Variants in ACTR3C observed in about 807,000 individuals in gnomAD.
ACTR3C encodes actin related protein 3C, also known as actin-related protein 3C.
In ACTR3C, 18 loss-of-function variants were observed where a neutral mutation model predicts 26.3. That is an observed-to-expected ratio of 0.68 (90% CI 0.47 to 1.01). The LOEUF (loss-of-function observed/expected upper bound fraction) is 1.01, where lower values mean the gene tolerates loss of function less well. ACTR3C is among the 50% of genes least tolerant of loss of function. The pLI is 0.00. For synonymous variants in ACTR3C, 55 were observed against 94.5 expected (o/e 0.58, Z 2.42); for missense variants, 184 against 250.7 (o/e 0.73, Z 1.80).
At chr7:150,112,863 C>A in the ACTR3C span, among the ~76,000 whole-genome samples, 1 of 152,156 alleles carries the variant, frequency 6.6e-6, no homozygotes, top group East Asian at 1.9e-4. Context: ...CTCTGTTTCC[C>A]CTCCTCCAAG....
At chr7:150,031,453 C>G in the ACTR3C span, among the ~76,000 whole-genome samples, 2 of 152,090 alleles carry the variant, frequency 1.3e-5, no homozygotes, top group African/African-American at 4.8e-5. Context: ...AAACAACTCA[C>G]CTCCTGAAGC....
At chr7:150,034,666 T>C in the ACTR3C span, among the ~76,000 whole-genome samples, 49 of 149,894 alleles carry the variant, frequency 3.3e-4, 1 homozygote, top group Non-Finnish European at 3.7e-4. Flanking sequence ...AAATCCCACG[T>C]AAGGTACCTG....
chr7:150,228,354 T>C, the ACTR3C span, among the ~76,000 whole-genome samples: 1 of 152,162 alleles, frequency 6.6e-6, no homozygotes, highest in African/African-American at 2.4e-5. Context: ...TGTGGTAGGG[T>C]TAATTATAGC....
chr7:150,239,067 G>A (rs1197475196), downstream of ACTR3C, among the ~76,000 whole-genome samples: 1 of 151,608 alleles, frequency 6.6e-6, no homozygotes, highest in Non-Finnish European at 1.5e-5. Flanking sequence ...ATCCACCATC[G>A]CTGTATGTCC....
At chr7:149,986,076 C>A in the ACTR3C span, among the ~76,000 whole-genome samples, 2 of 151,892 alleles carry the variant, frequency 1.3e-5, no homozygotes, top group African/African-American at 4.8e-5. Context: ...AATAAAATAA[C>A]AACTTCTAGA....
the ACTR3C span, among the ~76,000 whole-genome samples, chr7:150,148,682 A>T: frequency 6.6e-6 from 1 of 152,118 alleles, no homozygotes; most frequent in African/African-American, 2.4e-5. Context: ...GCACCATACG[A>T]TATATCTTGC....
chr7:150,289,626 T>C (rs1489268244), intron 3 of ACTR3C, 33 bp from the exon 4 acceptor site: 1 of 1,566,754 alleles, frequency 6.4e-7, no homozygotes, highest in Non-Finnish European at 8.7e-7. Flanking sequence ...ACAGCTGTGT[T>C]AGTGATTTCG....
At chr7:150,187,386 A>G in the ACTR3C span, among the ~76,000 whole-genome samples, 458 of 152,196 alleles carry the variant, frequency 3.0e-3, 3 homozygotes, top group African/African-American at 0.011. Flanking sequence ...CATATCATTC[A>G]TGTATCTTCT....
chr7:149,991,870 C>T, the ACTR3C span, among the ~76,000 whole-genome samples: 1 of 152,186 alleles, frequency 6.6e-6, no homozygotes. Context: ...GCTGGGACCG[C>T]AGGCGTGTGC....
chr7:150,031,359 T>G, the ACTR3C span, among the ~76,000 whole-genome samples: 1 of 151,920 alleles, frequency 6.6e-6, no homozygotes, highest in East Asian at 1.9e-4. Context: ...TAGAAGAATG[T>G]GAGGGTCTCC....
At chr7:150,221,232 C>A in the ACTR3C span, among the ~76,000 whole-genome samples, 4 of 152,242 alleles carry the variant, frequency 2.6e-5, no homozygotes, top group Non-Finnish European at 5.9e-5. Context: ...TACATCCATT[C>A]CTTTCTGCAA....
the ACTR3C span, among the ~76,000 whole-genome samples, chr7:150,124,218 T>A: frequency 1.6e-4 from 24 of 152,378 alleles, 1 homozygote; most frequent in South Asian, 2.9e-3. Context: ...ACTTTCACTA[T>A]AACACTATTT....
At chr7:149,988,926 T>C in the ACTR3C span, among the ~76,000 whole-genome samples, 1 of 152,260 alleles carries the variant, frequency 6.6e-6, no homozygotes. Flanking sequence ...GAAGTTCAAA[T>C]GAAACCAAAT....
chr7:150,228,841 T>C, the ACTR3C span, among the ~76,000 whole-genome samples: 2 of 149,594 alleles, frequency 1.3e-5, no homozygotes, highest in African/African-American at 5.0e-5. Context: ...AATACAAAAT[T>C]TATGTATAAT....
the ACTR3C span, among the ~76,000 whole-genome samples, chr7:150,029,419 A>AAC: frequency 2.4e-4 from 4 of 16,396 alleles, no homozygotes; most frequent in South Asian, 2.9e-3. Context: ...AAAAAAAAAC[A>AAC]AACAAAAAAA....
the ACTR3C span, among the ~76,000 whole-genome samples, chr7:149,940,601 C>G: frequency 6.6e-6 from 1 of 152,090 alleles, no homozygotes. Flanking sequence ...GTTTAAAAAG[C>G]AATTTGAGTC....
the ACTR3C span, among the ~76,000 whole-genome samples, chr7:150,003,398 T>C: frequency 6.6e-5 from 10 of 150,826 alleles, no homozygotes; most frequent in African/African-American, 2.0e-4. Context: ...ATGTATGATG[T>C]ATGGAAGAAG....
At chr7:150,208,382 T>C in the ACTR3C span, among the ~76,000 whole-genome samples, 174 of 152,030 alleles carry the variant, frequency 1.1e-3, no homozygotes, top group African/African-American at 4.1e-3. Flanking sequence ...CTCTCCAAGG[T>C]TGGGGAAAGA....
At chr7:149,992,551 CG>C in the ACTR3C span, among the ~76,000 whole-genome samples, 9 of 152,188 alleles carry the variant, frequency 5.9e-5, no homozygotes, top group African/African-American at 2.2e-4. Flanking sequence ...CCTTCCCGTC[CG>C]GGGCAGCTGC....
Sources: allele counts gnomAD v4.1 joint callset (sites outside exome capture counted in the v4.1 genomes callset), GRCh38; gene constraint gnomAD v4.1.1; transcripts MANE v1.5; gene names NCBI Gene and HGNC (gene_info 2026-07-23, HGNC 2026-07-21).